MYEF2: variants seen among roughly 807,000 people sequenced by gnomAD.
MYEF2 encodes myelin expression factor 2, also known as myelin gene expression factor 2.
In MYEF2, 37 loss-of-function variants were observed where a neutral mutation model predicts 75.2. That is an observed-to-expected ratio of 0.49 (90% CI 0.38 to 0.65). The LOEUF (loss-of-function observed/expected upper bound fraction) is 0.65. MYEF2 is among the 30% of genes least tolerant of loss of function. MYEF2 has a pLI of 0.00. For missense variants in MYEF2, 634 were observed against 771.4 expected (o/e 0.82, Z 2.11); for synonymous variants, 195 against 241.6 (o/e 0.81, Z 1.79).
chr15:48,151,796 C>T lies in MYEF2; in HGVS notation c.1207+78G>A. On this transcript the variant is annotated intron_variant, in intron 12 of 16. Transcript: ENST00000324324. ...TCTGAAGACATTTTTAGCACACATT[C>T]CTAAGTTATAGGGGGGAAATATTAA... is the stretch of plus-strand genomic sequence containing the variant. 4 of 1,516,610 alleles carry T rather than the reference C, an allele frequency of 2.6e-6. No homozygotes were observed. The Admixed American group carries it at 6.7e-5, about 25-fold the overall frequency. 93.9% of individuals were successfully genotyped at this position (1,516,610 alleles called of 1,614,324 possible). A position where few individuals can be genotyped will look rare whatever the true frequency, so the allele number is the denominator to read the frequency against.
In MYEF2 at chr15:48,149,434, G is replaced by A; in HGVS notation, c.1379-63C>T. The A allele has an allele frequency of 6.8e-7, 1 of 1,478,590 alleles. No homozygotes were observed. Among genetic ancestry groups the A allele is most frequent in the Non-Finnish European group, 9.4e-7 (1 of 1,064,884 alleles). The allele number at this position is 1,478,590 out of a possible 1,614,324, so 91.6% of individuals were successfully genotyped here. On this transcript the variant is annotated intron_variant, in intron 14 of 16. Coordinates refer to ENST00000324324, the MANE Select transcript of MYEF2 (RefSeq NM_016132.5). The surrounding 1 kb of genome is among the most constrained non-coding windows in gnomAD (Gnocchi z 4.0). ...TTGTGTTTTTGTTTCAAAAACATAA[G>A]GAAAAGGAGAAGAGGAGAAAGGAGG...
intron 1 of MYEF2, among the ~76,000 whole-genome samples, chr15:48,169,316 C>A (rs2040240530): frequency 6.6e-6 from 1 of 152,168 alleles, no homozygotes; most frequent in Admixed American, 6.5e-5. Flanking sequence ...GAACTTTCTC[C>A]TCCCTTAATT....
intron 16 of MYEF2, among the ~76,000 whole-genome samples, chr15:48,146,170 A>T (rs916735569): frequency 1.3e-5 from 2 of 151,982 alleles, no homozygotes; most frequent in Non-Finnish European, 2.9e-5. Flanking sequence ...TACAGATGAC[A>T]TGGGAGCACA....
At chr15:48,151,279 C>T in intron 13 of MYEF2, 108 bp from the exon 14 acceptor site, 1 of 1,121,610 alleles carries the variant, frequency 8.9e-7, no homozygotes, top group South Asian at 1.5e-5. Context: ...AGCATAAAGT[C>T]TTCTGAAAAT....
chr15:48,158,372 C>CA, intron 7 of MYEF2, 148 bp from the exon 8 acceptor site: 5 of 668,526 alleles, frequency 7.5e-6, no homozygotes, highest in East Asian at 2.8e-5. Context: ...TTCATATACT[C>CA]AAAAAAATAT....
At chr15:48,143,233 T>C (rs2039150402) in intron 16 of MYEF2, among the ~76,000 whole-genome samples, 162 bp from the exon 17 acceptor site, 1 of 151,886 alleles carries the variant, frequency 6.6e-6, no homozygotes, top group Non-Finnish European at 1.5e-5. Flanking sequence ...TAAAATACAA[T>C]TCATACAAAG....
intron 14 of MYEF2, among the ~76,000 whole-genome samples, chr15:48,150,846 AAAG>A (rs1419044162): frequency 6.6e-6 from 1 of 152,110 alleles, no homozygotes; most frequent in African/African-American, 2.4e-5. Flanking sequence ...CCTTAGTTGG[AAAG>A]AAGGTTCCTG....
chr15:48,176,332 G>A (rs1483825234), intron 1 of MYEF2, among the ~76,000 whole-genome samples: 1 of 151,830 alleles, frequency 6.6e-6, no homozygotes. Flanking sequence ...AAATCCCTGA[G>A]AGTAAATTGG....
Position 48,140,444 on chromosome 15 carries a change from A to G in MYEF2, c.*2464T>C, listed in dbSNP as rs1230298329. On this transcript the variant is annotated 3_prime_UTR_variant, in exon 17 of 17. Transcript: ENST00000324324. ...ATTACAACATTAAAGGAACAGTTAC[A>G]TAACCTTTTGTTTAACTTCTCTCTG... The G allele has an allele frequency of 6.6e-6, 1 of 152,218 alleles. No individual in the cohort carries two copies. Among genetic ancestry groups the G allele is most frequent in the Admixed American group, 6.5e-5 (1 of 15,280 alleles). 9.4% of individuals were successfully genotyped at this position (152,218 alleles called of 1,614,324 possible). A position where few individuals can be genotyped will look rare whatever the true frequency, so the allele number is the denominator to read the frequency against.
In MYEF2 at chr15:48,139,517, A is replaced by G. The variant is rs1039015736; in HGVS notation, c.*3391T>C. ...AACTCTTTATATTGAATTCCATTCC[A>G]TAATAAAAAAAAAAAAGAACAAAAA... On this transcript the variant is annotated 3_prime_UTR_variant, in exon 17 of 17. Transcript: ENST00000324324. 1.3e-5 allele frequency: 2 copies of G among 157,620 alleles called. No individual in the cohort carries two copies. The highest frequency in any genetic ancestry group is 5.6e-5 in the African/African-American group (2 of 35,908). The allele number at this position is 157,620 out of a possible 1,614,324, so 9.8% of individuals were successfully genotyped here. A position where few individuals can be genotyped will look rare whatever the true frequency, so the allele number is the denominator to read the frequency against.
rs2039026008 is a variant in MYEF2, at chr15:48,140,371, TAAGAAAAAAAAAGAGA to T, written c.*2521_*2536del. 6.6e-6 allele frequency: 1 copy of T among 151,706 alleles called. No homozygotes were observed. Among genetic ancestry groups the T allele is most frequent in the Non-Finnish European group, 1.5e-5 (1 of 67,916 alleles). 9.4% of individuals were successfully genotyped at this position (151,706 alleles called of 1,614,324 possible). On this transcript the variant is annotated 3_prime_UTR_variant, in exon 17 of 17. Transcript: ENST00000324324. ...TTTCTAATTATTTTAGTTGGCATTT[TAAGAAAAAAAAAGAGA>T]AAGAAAAAAAAGACGCTAAACCAAG... is the stretch of plus-strand genomic sequence containing the variant.
chr15:48,150,264 G>A (rs192442885), intron 14 of MYEF2, among the ~76,000 whole-genome samples: 4 of 152,162 alleles, frequency 2.6e-5, no homozygotes, highest in African/African-American at 7.2e-5. Context: ...GGAAGGTAAG[G>A]AAGTTAGGAC....
Position 48,136,695 on chromosome 15 carries a change from T to G in MYEF2, c.*6213A>C. 1 of 1,607,422 alleles carries G rather than the reference T, an allele frequency of 6.2e-7. No homozygotes were observed. Among genetic ancestry groups the G allele is most frequent in the Non-Finnish European group, 8.5e-7 (1 of 1,176,376 alleles). On this transcript the variant is annotated 3_prime_UTR_variant, in exon 17 of 17. Transcript: ENST00000324324. Reference sequence around the variant, plus strand: ...TTCTCTTTTGTAGGTATGAAGGGGCTTTACTGCTTTTGATATATGGATTGT... The same window carrying G: ...TTCTCTTTTGTAGGTATGAAGGGGCGTTACTGCTTTTGATATATGGATTGT...
chr15:48,141,349 C>T lies in MYEF2; in HGVS notation c.*1559G>A, dbSNP rs1211885411. On this transcript the variant is annotated 3_prime_UTR_variant, in exon 17 of 17. Transcript: ENST00000324324. Reference sequence around the variant, plus strand: ...ATCCCAGGATTTTGGGAGGCCGAGGCGGGTGGATCACGAGGTCAGGAGTTT... The same window carrying T: ...ATCCCAGGATTTTGGGAGGCCGAGGTGGGTGGATCACGAGGTCAGGAGTTT... The T allele has an allele frequency of 1.5e-5, 9 of 601,462 alleles. No homozygotes were observed. Among genetic ancestry groups the T allele is most frequent in the South Asian group, 3.8e-5 (2 of 52,288 alleles). The allele number at this position is 601,462 out of a possible 1,614,324, so 37.3% of individuals were successfully genotyped here.
At chr15:48,148,214 C>A (rs182324281) in intron 16 of MYEF2, among the ~76,000 whole-genome samples, 1 of 151,856 alleles carries the variant, frequency 6.6e-6, no homozygotes, top group Non-Finnish European at 1.5e-5. Flanking sequence ...AGATTCCATG[C>A]AATAGCAGAA....
chr15:48,136,682 G>A lies in MYEF2; in HGVS notation c.*6226C>T, dbSNP rs2140740334. On this transcript the variant is annotated 3_prime_UTR_variant, in exon 17 of 17. Transcript: ENST00000324324. ...TAAAAACACAAATTTCTCTTTTGTA[G>A]GTATGAAGGGGCTTTACTGCTTTTG... is the stretch of plus-strand genomic sequence containing the variant. 6.3e-7 allele frequency: 1 copy of A among 1,586,676 alleles called. No individual in the cohort carries two copies. The highest frequency in any genetic ancestry group is 8.6e-7 in the Non-Finnish European group (1 of 1,166,404).
At chr15:48,152,922 G>C (rs1404696416) in intron 10 of MYEF2, 3 of 152,102 alleles carry the variant, frequency 2.0e-5, no homozygotes, top group African/African-American at 7.2e-5. Flanking sequence ...GTATGGTCCA[G>C]GGACTCTTGA....
rs972138975 is a variant in MYEF2 at position 48,178,132 on chromosome 15, C to G, written c.106G>C (p.Ala36Pro). ...PGEPRREPHP[A>P]EAEKQQPQHS... ...TGCGGCTGCTGCTTCTCCGCCTCCG[C>G]GGGGTGCGGCTCTCGCCGCGGCTCG... Residue 36 changes from alanine (A) to proline (P), a missense_variant, in exon 1 of 17, where the codon GCG becomes CCG. Physicochemically the swap from Ala to Pro is conservative, Grantham distance 27. Transcript: ENST00000324324. 10 of 1,586,134 alleles carry G rather than the reference C, an allele frequency of 6.3e-6. No homozygotes were observed. The African/African-American group carries it at 1.2e-4, about 20-fold the overall frequency.
At chr15:48,174,318 A>T (rs999719914) in intron 1 of MYEF2, among the ~76,000 whole-genome samples, 4 of 152,122 alleles carry the variant, frequency 2.6e-5, no homozygotes, top group African/African-American at 7.2e-5. Flanking sequence ...TTAAAAACTT[A>T]TAACACCTAA....
Sources: allele counts gnomAD v4.1 joint callset (sites outside exome capture counted in the v4.1 genomes callset), GRCh38; gene constraint gnomAD v4.1.1; non-coding constraint Gnocchi (gnomAD v3.1); transcripts MANE v1.5; gene names NCBI Gene and HGNC (gene_info 2026-07-23, HGNC 2026-07-21).